NRXN1: variants seen among roughly 807,000 people sequenced by gnomAD.
NRXN1 encodes the protein neurexin 1.
NRXN1 carries 39 observed loss-of-function variants against 150.9 expected under a neutral mutation model. The ratio of observed to expected loss-of-function variants is 0.26; its 90% CI spans 0.20 to 0.34. NRXN1 has a LOEUF of 0.34. Ranked by LOEUF, NRXN1 falls within the 10% of genes least tolerant of loss-of-function variation. The pLI is 1.00. For missense variants in NRXN1, 1,815 were observed against 1,949.9 expected (o/e 0.93, Z 1.30); for synonymous variants, 924 against 757.0 (o/e 1.22, Z -3.62).
At chr2:50,164,659 C>A (rs1350734885) in intron 18 of NRXN1, among the ~76,000 whole-genome samples, 1 of 152,088 alleles carries the variant, frequency 6.6e-6, no homozygotes, top group Non-Finnish European at 1.5e-5. Flanking sequence ...GGGGCCAGAT[C>A]CTCTTTCCAG....
chr2:50,335,736 T>C (rs1575129236), intron 17 of NRXN1, among the ~76,000 whole-genome samples: 1 of 152,234 alleles, frequency 6.6e-6, no homozygotes, highest in African/African-American at 2.4e-5. Context: ...CGTGTTGTCC[T>C]CTTTTGGAAG....
At chr2:50,518,051 T>G (rs1037601700) in intron 12 of NRXN1, among the ~76,000 whole-genome samples, 1 of 152,136 alleles carries the variant, frequency 6.6e-6, no homozygotes, top group African/African-American at 2.4e-5. Flanking sequence ...TTGTCATTGA[T>G]TGTACCCATT....
intron 19 of NRXN1, among the ~76,000 whole-genome samples, chr2:50,089,908 A>AAGTT (rs1165448895): frequency 2.6e-5 from 4 of 152,236 alleles, no homozygotes; most frequent in Non-Finnish European, 4.4e-5. Context: ...CATGCATATT[A>AAGTT]AGTTACTTGG....
chr2:50,589,743 G>A (rs1206146101), intron 8 of NRXN1, among the ~76,000 whole-genome samples: 1 of 141,718 alleles, frequency 7.1e-6, no homozygotes, highest in Non-Finnish European at 1.5e-5. Flanking sequence ...AACTGTTATA[G>A]CCAGACACAC....
intron 2 of NRXN1, among the ~76,000 whole-genome samples, chr2:50,949,619 G>C (rs1194352998): frequency 1.3e-5 from 2 of 152,006 alleles, no homozygotes; most frequent in African/African-American, 4.8e-5. Flanking sequence ...CCACGTTTCT[G>C]AGCATAATAC....
At chr2:50,716,758 G>C (rs1269394405) in intron 5 of NRXN1, among the ~76,000 whole-genome samples, 1 of 152,060 alleles carries the variant, frequency 6.6e-6, no homozygotes, top group South Asian at 2.1e-4. Context: ...CACCATGCTA[G>C]GCATCTTTAC....
At chr2:50,803,518 A>G (rs1350195139) in intron 5 of NRXN1, among the ~76,000 whole-genome samples, 1 of 152,202 alleles carries the variant, frequency 6.6e-6, no homozygotes, top group Non-Finnish European at 1.5e-5. Context: ...TGCATTTTCA[A>G]TGTATAAATC....
chr2:50,084,692 G>C (rs1032548012), intron 19 of NRXN1, among the ~76,000 whole-genome samples: 5 of 152,194 alleles, frequency 3.3e-5, no homozygotes, highest in Non-Finnish European at 7.3e-5. Context: ...CTCAAGCGTG[G>C]CTGAATGGGC....
intron 17 of NRXN1, among the ~76,000 whole-genome samples, chr2:50,260,660 G>A (rs1399590291): frequency 6.6e-5 from 8 of 120,752 alleles, no homozygotes; most frequent in East Asian, 4.7e-4. Flanking sequence ...GAAAGAAGCC[G>A]TCTTACAGAG....
At chr2:50,812,690 T>G (rs1407068340) in intron 5 of NRXN1, among the ~76,000 whole-genome samples, 1 of 150,364 alleles carries the variant, frequency 6.7e-6, no homozygotes, top group East Asian at 2.0e-4. Flanking sequence ...GAATTTCATC[T>G]GGTTATTATA....
Position 50,507,797 on chromosome 2 carries a change from T to C in NRXN1, c.2375-1180A>G, listed in dbSNP as rs2092301825. On this transcript the variant is annotated intron_variant, in intron 12 of 22. Coordinates refer to ENST00000401669, the MANE Select transcript of NRXN1 (RefSeq NM_001330078.2). Reference sequence around the variant, plus strand: ...TAATGAATTTTTTCCCTGGTGTTTTTTTAAGTATGGAAACATGCTGGTACA... The same window carrying C: ...TAATGAATTTTTTCCCTGGTGTTTTCTTAAGTATGGAAACATGCTGGTACA... 2.6e-5 allele frequency among the ~76,000 whole-genome samples: 4 copies of C among 152,054 alleles called. No homozygotes were observed. The South Asian group carries it at 8.3e-4, about 31-fold the overall frequency.
chr2:50,530,338 G>A (rs927384276), intron 11 of NRXN1, among the ~76,000 whole-genome samples: 1 of 152,182 alleles, frequency 6.6e-6, no homozygotes, highest in Non-Finnish European at 1.5e-5. Context: ...TAGTTTGCAT[G>A]AAACGATGTG....
intron 5 of NRXN1, among the ~76,000 whole-genome samples, chr2:50,652,745 C>G (rs1430165831): frequency 2.0e-5 from 3 of 152,018 alleles, no homozygotes; most frequent in Admixed American, 1.3e-4. Flanking sequence ...TATGATAAAT[C>G]TATGCTTAAC....
At chr2:50,334,192 A>ATTTTATACAT (rs1553457970) in intron 17 of NRXN1, among the ~76,000 whole-genome samples, 3 of 118,982 alleles carry the variant, frequency 2.5e-5, no homozygotes, top group African/African-American at 1.3e-4. Flanking sequence ...ACCAGGACCA[A>ATTTTATACAT]ATATATATAT....
intron 17 of NRXN1, among the ~76,000 whole-genome samples, chr2:50,359,578 A>T (rs1329565640): frequency 6.6e-6 from 1 of 152,014 alleles, no homozygotes; most frequent in Non-Finnish European, 1.5e-5. Context: ...AAAAGGAACG[A>T]ACAAAGCCTC....
chr2:50,503,339 A>G (rs2092051598), intron 13 of NRXN1, among the ~76,000 whole-genome samples: 1 of 151,792 alleles, frequency 6.6e-6, no homozygotes, highest in Admixed American at 6.6e-5. Context: ...AAGAAAGAAA[A>G]AAATAAGAAA....
chr2:50,504,352 C>T (rs1277914783), intron 13 of NRXN1, among the ~76,000 whole-genome samples: 2 of 152,016 alleles, frequency 1.3e-5, no homozygotes, highest in Admixed American at 6.6e-5. Context: ...TTAAAAAATA[C>T]ATGCTGAAGT....
intron 18 of NRXN1, among the ~76,000 whole-genome samples, chr2:50,227,567 C>G (rs909286636): frequency 1.3e-5 from 2 of 151,946 alleles, no homozygotes; most frequent in African/African-American, 4.8e-5. Flanking sequence ...CCAGGTATGT[C>G]TTGAACTAAA....
At chr2:50,062,054 TCAAA>T (rs1694626864) in intron 19 of NRXN1, among the ~76,000 whole-genome samples, 1 of 152,154 alleles carries the variant, frequency 6.6e-6, no homozygotes, top group African/African-American at 2.4e-5. Flanking sequence ...CATTAATACT[TCAAA>T]CAAGTTTCCT....
Sources: gnomAD v4.1 joint callset for allele counts (sites outside exome capture counted in the v4.1 genomes callset) on GRCh38, gnomAD v4.1.1 for gene constraint, MANE v1.5 for transcripts, NCBI Gene and HGNC (gene_info 2026-07-23, HGNC 2026-07-21) for gene names.